Variants in ABHD13 observed in about 807,000 individuals in gnomAD.
ABHD13 encodes the protein abhydrolase domain containing 13.
Under a neutral mutation model 25.2 loss-of-function variants are expected in ABHD13, and 7 were observed. The observed-to-expected ratio is 0.28, with a 90% CI of 0.16 to 0.52. ABHD13 has a LOEUF of 0.52. ABHD13 is among the 20% of genes least tolerant of loss of function. ABHD13 has a pLI of 0.96. For synonymous variants in ABHD13, 133 were observed against 136.1 expected (o/e 0.98, Z 0.16); for missense variants, 302 against 402.7 (o/e 0.75, Z 2.14).
intron 1 of ABHD13, among the ~76,000 whole-genome samples, chr13:108,219,730 G>A (rs1333031048): frequency 6.6e-6 from 1 of 152,162 alleles, no homozygotes; most frequent in African/African-American, 2.4e-5. Context: ...TGTGTAAGCA[G>A]GTTAATTACG....
chr13:108,230,834 G>C lies in ABHD13; in HGVS notation c.*602G>C, dbSNP rs1159518851. 6.0e-6 allele frequency: 1 copy of C among 166,732 alleles called. No individual in the cohort carries two copies. Among genetic ancestry groups the C allele is most frequent in the Non-Finnish European group, 1.5e-5 (1 of 67,920 alleles). The allele number at this position is 166,732 out of a possible 1,614,324, so 10.3% of individuals were successfully genotyped here. A position where few individuals can be genotyped will look rare whatever the true frequency, so the allele number is the denominator to read the frequency against. On this transcript the variant is annotated 3_prime_UTR_variant, in exon 2 of 2. Coordinates refer to ENST00000375898, the MANE Select transcript of ABHD13 (RefSeq NM_032859.3). Reference sequence around the variant, plus strand: ...GAAGTGAAATTGAGACTTATGTGCAGGTTGCCATTGAATTTTGCTCTGGTG... The same window carrying C: ...GAAGTGAAATTGAGACTTATGTGCACGTTGCCATTGAATTTTGCTCTGGTG...
chr13:108,222,363 T>C (rs1879586774), intron 1 of ABHD13, among the ~76,000 whole-genome samples: 1 of 152,114 alleles, frequency 6.6e-6, no homozygotes, highest in Admixed American at 6.5e-5. Context: ...TATTTATTTT[T>C]AGTTTTTGGA....
chr13:108,224,340 C>T (rs1879629665), intron 1 of ABHD13, among the ~76,000 whole-genome samples: 1 of 152,068 alleles, frequency 6.6e-6, no homozygotes, highest in South Asian at 2.1e-4. Context: ...ATCTGATGAC[C>T]ATCTCTTACG....
rs1263892607 is a variant in ABHD13, at chr13:108,218,498, CACAGCT to C, written c.-181_-176del. On this transcript the variant is annotated 5_prime_UTR_variant, in exon 1 of 2. Coordinates refer to ENST00000375898, the MANE Select transcript of ABHD13 (RefSeq NM_032859.3). ...CCCGAGCGGGGGCCGGAAGTGGGGC[CACAGCT>C]CGCAGCAGGAGCTCCGGGCTAGACC... 5 of 151,802 alleles carry C rather than the reference CACAGCT, an allele frequency of 3.3e-5. No homozygotes were observed. In the East Asian group the frequency reaches 9.8e-4, roughly 30 times the overall value. 9.4% of individuals were successfully genotyped at this position (151,802 alleles called of 1,614,324 possible). A position where few individuals can be genotyped will look rare whatever the true frequency, so the allele number is the denominator to read the frequency against.
rs1483635478 is a variant in ABHD13, at chr13:108,230,665, G to A, written c.*433G>A. On this transcript the variant is annotated 3_prime_UTR_variant, in exon 2 of 2. Coordinates refer to ENST00000375898, the MANE Select transcript of ABHD13 (RefSeq NM_032859.3). The stretch of plus-strand genomic sequence containing the variant: ...TGTAACTGCATTTTTCACCTTAAAA[G>A]TTAAATGAAATGCATGATGGTATTT... 6 of 170,416 alleles carry A rather than the reference G, an allele frequency of 3.5e-5. No homozygotes were observed. Among genetic ancestry groups the A allele is most frequent in the African/African-American group, 1.4e-4 (6 of 41,420 alleles). 10.6% of individuals were successfully genotyped at this position (170,416 alleles called of 1,614,324 possible). A position where few individuals can be genotyped will look rare whatever the true frequency, so the allele number is the denominator to read the frequency against.
rs1879820447 is a variant in ABHD13 at position 108,232,202 on chromosome 13, C to CTA, written c.*1972_*1973dup. On this transcript the variant is annotated 3_prime_UTR_variant, in exon 2 of 2. Transcript: ENST00000375898. ...TAAATATGCTCATGAGGTATAAAAG[C>CTA]TATTTCTTCATCAGTATTTTGCTTT... 6.0e-6 allele frequency: 1 copy of CTA among 166,706 alleles called. No individual in the cohort carries two copies. Among genetic ancestry groups the CTA allele is most frequent in the Non-Finnish European group, 1.5e-5 (1 of 67,966 alleles). The allele number at this position is 166,706 out of a possible 1,614,324, so 10.3% of individuals were successfully genotyped here. A position where few individuals can be genotyped will look rare whatever the true frequency, so the allele number is the denominator to read the frequency against.
chr13:108,224,945 A>G (rs985503915), intron 1 of ABHD13, among the ~76,000 whole-genome samples: 4 of 152,220 alleles, frequency 2.6e-5, no homozygotes, highest in Non-Finnish European at 4.4e-5. Flanking sequence ...GATAATAAAG[A>G]TTAGTTATGC....
At chr13:108,219,762 C>T (rs771491654) in intron 1 of ABHD13, among the ~76,000 whole-genome samples, 1 of 152,136 alleles carries the variant, frequency 6.6e-6, no homozygotes, top group Non-Finnish European at 1.5e-5. Context: ...ACTTCTGCCA[C>T]GTAAGTTTGC....
chr13:108,221,962 C>G lies in ABHD13; in HGVS notation c.-21+3303C>G, dbSNP rs1333154725. ...AAGTGATTCTCATGCCTCAGTCTCC[C>G]TAGTAGCTGGGATTACAGGCACGCG... On this transcript the variant is annotated intron_variant, in intron 1 of 1. Coordinates refer to ENST00000375898, the MANE Select transcript of ABHD13 (RefSeq NM_032859.3). Among the ~76,000 whole-genome samples, 2 of 152,036 alleles carry G rather than the reference C, an allele frequency of 1.3e-5. 1 individual carries two copies. Among genetic ancestry groups the G allele is most frequent in the Non-Finnish European group, 2.9e-5 (2 of 67,998 alleles).
rs1349114862 is a variant in ABHD13 at position 108,231,460 on chromosome 13, C to T, written c.*1228C>T. 1 of 166,636 alleles carries T rather than the reference C, an allele frequency of 6.0e-6. No individual in the cohort carries two copies. The highest frequency in any genetic ancestry group is 1.5e-5 in the Non-Finnish European group (1 of 67,904). 10.3% of individuals were successfully genotyped at this position (166,636 alleles called of 1,614,324 possible). A position where few individuals can be genotyped will look rare whatever the true frequency, so the allele number is the denominator to read the frequency against. On this transcript the variant is annotated 3_prime_UTR_variant, in exon 2 of 2. Coordinates refer to ENST00000375898, the MANE Select transcript of ABHD13 (RefSeq NM_032859.3). ...ACACAAAACCTATTACCACATTTAG[C>T]AGTTAAATGGCTATAGGTGGGAAGT... is the stretch of plus-strand genomic sequence containing the variant.
Position 108,231,158 on chromosome 13 carries a change from A to C in ABHD13, c.*926A>C, listed in dbSNP as rs1331570378. On this transcript the variant is annotated 3_prime_UTR_variant, in exon 2 of 2. Transcript: ENST00000375898. ...GTCTTTTATCATTGCAGGATTGTAC[A>C]TACTACTTTATAAAAATTCTCACCT... 1 of 166,726 alleles carries C rather than the reference A, an allele frequency of 6.0e-6. No individual in the cohort carries two copies. Among genetic ancestry groups the C allele is most frequent in the Admixed American group, 6.6e-5 (1 of 15,240 alleles). 10.3% of individuals were successfully genotyped at this position (166,726 alleles called of 1,614,324 possible). A position where few individuals can be genotyped will look rare whatever the true frequency, so the allele number is the denominator to read the frequency against.
chr13:108,223,653 A>G (rs376500252), intron 1 of ABHD13, among the ~76,000 whole-genome samples: 58 of 152,356 alleles, frequency 3.8e-4, no homozygotes, highest in African/African-American at 1.1e-3. Flanking sequence ...ATCATTGCTT[A>G]TGCATCATTA....
chr13:108,232,183 T>C lies in ABHD13; in HGVS notation c.*1951T>C, dbSNP rs1377134074. 6.0e-6 allele frequency: 1 copy of C among 166,888 alleles called. No homozygotes were observed. Among genetic ancestry groups the C allele is most frequent in the Non-Finnish European group, 1.5e-5 (1 of 68,030 alleles). 10.3% of individuals were successfully genotyped at this position (166,888 alleles called of 1,614,324 possible). A position where few individuals can be genotyped will look rare whatever the true frequency, so the allele number is the denominator to read the frequency against. ...AATTTATCAGCTTTAGTTCTAAATATGCTCATGAGGTATAAAAGCTATTTC... is the reference window on the plus strand; with the variant it reads ...AATTTATCAGCTTTAGTTCTAAATACGCTCATGAGGTATAAAAGCTATTTC... On this transcript the variant is annotated 3_prime_UTR_variant, in exon 2 of 2. Transcript: ENST00000375898.
chr13:108,219,190 G>A (rs975264320), intron 1 of ABHD13, among the ~76,000 whole-genome samples: 2 of 152,124 alleles, frequency 1.3e-5, no homozygotes, highest in Admixed American at 6.5e-5. Flanking sequence ...TTAGACCTGT[G>A]AATATCATGA....
rs762383065 is a variant in ABHD13 at position 108,229,567 on chromosome 13, A to G, written c.349A>G (p.Ile117Val). 10 of 1,613,288 alleles carry G rather than the reference A, an allele frequency of 6.2e-6. No individual in the cohort carries two copies. The highest frequency in any genetic ancestry group is 1.3e-5 in the African/African-American group (1 of 74,988). ...AGACAATTCACCCTATTCCCCAACT[A>G]TAATTTATTTTCATGGGAATGCAGG... ...TGDNSPYSPT[I>V]IYFHGNAGNI... The change falls in exon 2 of 2, where the codon ATA becomes GTA. Residue 117 changes from isoleucine to valine, a missense_variant. Physicochemically the swap from Ile to Val is conservative, Grantham distance 29 (BLOSUM62 3). Coordinates refer to ENST00000375898, the MANE Select transcript of ABHD13 (RefSeq NM_032859.3). This position sits in a 1 kb window ranked among gnomAD's most constrained non-coding sequence, Gnocchi z 4.7.
chr13:108,220,860 G>A (rs1006410886), intron 1 of ABHD13, among the ~76,000 whole-genome samples: 3 of 152,162 alleles, frequency 2.0e-5, no homozygotes, highest in Non-Finnish European at 4.4e-5. Context: ...TATAGGTAAA[G>A]TTTTAGAACA....
intron 1 of ABHD13, among the ~76,000 whole-genome samples, chr13:108,228,413 G>T (rs1201856830): frequency 6.6e-6 from 1 of 151,850 alleles, no homozygotes; most frequent in East Asian, 1.9e-4. Flanking sequence ...AAAAGATACT[G>T]CCGATCTCAT....
chr13:108,230,034 A>G lies in ABHD13; in HGVS notation c.816A>G (p.Pro272=), dbSNP rs1879765316. The G allele has an allele frequency of 6.2e-7, 1 of 1,613,138 alleles. No homozygotes were observed. The highest frequency in any genetic ancestry group is 8.5e-7 in the Non-Finnish European group (1 of 1,179,386). The part of the protein sequence containing the change: ...FISGLSDQLI[P]PVMMKQLYEL... ...CTGGACTCTCAGATCAATTAATTCC[A>G]CCAGTAATGATGAAACAACTTTATG... The change falls in exon 2 of 2, where the codon CCA becomes CCG. Residue 272 remains proline (P), a synonymous_variant. Coordinates refer to ENST00000375898, the MANE Select transcript of ABHD13 (RefSeq NM_032859.3).
chr13:108,224,515 T>C (rs1200882903), intron 1 of ABHD13, among the ~76,000 whole-genome samples: 1 of 152,214 alleles, frequency 6.6e-6, no homozygotes, highest in Admixed American at 6.5e-5. Context: ...AAAATAGTTA[T>C]TTAAATGAAA....
Sources: gnomAD v4.1 joint callset for allele counts (sites outside exome capture counted in the v4.1 genomes callset) on GRCh38, gnomAD v4.1.1 for gene constraint, Gnocchi (gnomAD v3.1) non-coding constraint, MANE v1.5 for transcripts, NCBI Gene and HGNC (gene_info 2026-07-23, HGNC 2026-07-21) for gene names.